The following GPHN variants were observed in gnomAD, a reference collection of about 807,000 sequenced individuals.
GPHN encodes gephyrin.
Under a neutral mutation model 95.5 loss-of-function variants are expected in GPHN, and 17 were observed. That is an observed-to-expected ratio of 0.18 (90% CI 0.12 to 0.27). GPHN has a LOEUF of 0.27. GPHN is among the 10% of genes least tolerant of loss of function. The probability of loss-of-function intolerance (pLI) is 1.00; values close to 1 mark genes in which losing one functional copy is unlikely to be tolerated. For synonymous variants in GPHN, 320 were observed against 322.5 expected (o/e 0.99, Z 0.08); for missense variants, 660 against 978.1 (o/e 0.67, Z 4.34).
At chr14:67,507,426 G>A in the GPHN span, among the ~76,000 whole-genome samples, 1 of 152,120 alleles carries the variant, frequency 6.6e-6, no homozygotes, top group East Asian at 1.9e-4. Context: ...CAGAGGAGCA[G>A]GGATAGGGGG....
chr14:67,535,844 T>C, the GPHN span, among the ~76,000 whole-genome samples: 1 of 152,218 alleles, frequency 6.6e-6, no homozygotes. Context: ...TGATGTGATA[T>C]ATGAAATGGC....
intron 21 of GPHN, among the ~76,000 whole-genome samples, chr14:67,172,919 A>C (rs929653625): frequency 2.0e-5 from 3 of 152,084 alleles, no homozygotes; most frequent in Non-Finnish European, 2.9e-5. Context: ...GGTTGCCACT[A>C]AGCCCTATTG....
At chr14:67,390,178 T>G in the GPHN span, among the ~76,000 whole-genome samples, 17 of 152,228 alleles carry the variant, frequency 1.1e-4, no homozygotes, top group Non-Finnish European at 2.1e-4. Flanking sequence ...TTTTTTAATT[T>G]GCCATCAAAG....
At chr14:67,682,732 A>T in the GPHN span, among the ~76,000 whole-genome samples, 1 of 152,200 alleles carries the variant, frequency 6.6e-6, no homozygotes, top group African/African-American at 2.4e-5. Flanking sequence ...TAACCCAGAA[A>T]TTCCACTTCC....
intron 11 of GPHN, among the ~76,000 whole-genome samples, chr14:67,073,182 A>G (rs1186513050): frequency 2.6e-5 from 4 of 152,286 alleles, no homozygotes; most frequent in African/African-American, 9.6e-5. Flanking sequence ...AGAAAAGTAC[A>G]TGGTTCAAAA....
intron 8 of GPHN, among the ~76,000 whole-genome samples, chr14:66,950,181 A>C (rs2068017139): frequency 6.6e-6 from 1 of 152,150 alleles, no homozygotes; most frequent in South Asian, 2.1e-4. Context: ...CCTCCATGCT[A>C]TGAGTTGCAT....
At chr14:67,225,121 T>C in the GPHN span, 2 of 1,576,298 alleles carry the variant, frequency 1.3e-6, no homozygotes, top group Non-Finnish European at 1.7e-6. Flanking sequence ...CCTCTAGTTC[T>C]CTCCCCTCAT....
the GPHN span, among the ~76,000 whole-genome samples, chr14:67,474,914 C>CTTTTTTTTTTTTTTTTTTTTTTTTTTT: frequency 8.0e-6 from 1 of 124,958 alleles, no homozygotes. Flanking sequence ...GAATTTCCTT[C>CTTTTTTTTTTTTTTTTTTTTTTTTTTT]TTTTTTTTTT....
the GPHN span, among the ~76,000 whole-genome samples, chr14:67,416,700 C>T: frequency 6.6e-6 from 1 of 152,210 alleles, no homozygotes; most frequent in African/African-American, 2.4e-5. Context: ...ACGGACAGTG[C>T]CATGGGTGAC....
chr14:66,733,202 C>G (rs2071950720), intron 2 of GPHN, among the ~76,000 whole-genome samples: 1 of 151,902 alleles, frequency 6.6e-6, no homozygotes, highest in African/African-American at 2.4e-5. Context: ...TGCTAGGTCT[C>G]TCTTGCTTGT....
chr14:67,200,041 G>A, the GPHN span: 1 of 931,582 alleles, frequency 1.1e-6, no homozygotes, highest in Admixed American at 2.7e-5. Flanking sequence ...TGGACACCCA[G>A]GCTCTGGGGG....
rs542345109 is a variant in GPHN at position 66,585,432 on chromosome 14, G to A, written c.64+76841G>A. Reference sequence around the variant, plus strand: ...TATTTATTTCTTGCATTCTGCTAGCGTTTGAATGTGTTTGCTCTTGCTTCT... The same window carrying A: ...TATTTATTTCTTGCATTCTGCTAGCATTTGAATGTGTTTGCTCTTGCTTCT... On this transcript the variant is annotated intron_variant, in intron 1 of 22. Transcript: ENST00000478722. Among the ~76,000 whole-genome samples, 24 of 152,044 alleles carry A rather than the reference G, an allele frequency of 1.6e-4. No individual in the cohort carries two copies. In the South Asian group the frequency reaches 2.7e-3, roughly 17 times the overall value.
At chr14:66,589,320 A>T in intron 1 of GPHN, among the ~76,000 whole-genome samples, 1 of 152,184 alleles carries the variant, frequency 6.6e-6, no homozygotes, top group Non-Finnish European at 1.5e-5. Flanking sequence ...AAGAAACCGC[A>T]TCAGCTAATG....
the GPHN span, chr14:67,335,575 G>C: frequency 6.6e-6 from 1 of 152,582 alleles, no homozygotes; most frequent in African/African-American, 2.4e-5. Flanking sequence ...CTAATGTCTG[G>C]ATTATCTTCC....
intron 2 of GPHN, among the ~76,000 whole-genome samples, chr14:66,737,594 T>C (rs1049611242): frequency 6.6e-6 from 1 of 152,322 alleles, no homozygotes; most frequent in Middle Eastern, 3.4e-3. Context: ...CACATCCATA[T>C]TGAACTCTGA....
the GPHN span, among the ~76,000 whole-genome samples, chr14:67,456,484 C>T: frequency 6.6e-6 from 1 of 152,104 alleles, no homozygotes; most frequent in Non-Finnish European, 1.5e-5. Context: ...CACCTGCAAT[C>T]CCAGACACCT....
the GPHN span, chr14:67,559,621 C>T: frequency 6.3e-7 from 1 of 1,596,756 alleles, no homozygotes; most frequent in Non-Finnish European, 8.5e-7. Flanking sequence ...CAGATGAGGG[C>T]AGAGGAAGCA....
the GPHN span, among the ~76,000 whole-genome samples, chr14:67,255,873 G>A: frequency 6.6e-6 from 1 of 152,174 alleles, no homozygotes; most frequent in African/African-American, 2.4e-5. Flanking sequence ...TTTTAGTAGA[G>A]ACGGGGTTTC....
the GPHN span, among the ~76,000 whole-genome samples, chr14:67,547,998 G>A: frequency 6.6e-6 from 1 of 152,294 alleles, no homozygotes; most frequent in African/African-American, 2.4e-5. Context: ...CTGGAGCCAG[G>A]TTAGCCATGG....
Sources: gnomAD v4.1 joint callset for allele counts (sites outside exome capture counted in the v4.1 genomes callset) on GRCh38, gnomAD v4.1.1 for gene constraint, MANE v1.5 for transcripts, NCBI Gene and HGNC (gene_info 2026-07-23, HGNC 2026-07-21) for gene names.